Variants in SORCS3 observed in about 807,000 individuals in gnomAD.
The protein encoded by SORCS3 is VPS10 domain-containing receptor SorCS3.
SORCS3 carries 57 observed loss-of-function variants against 146.3 expected under a neutral mutation model. The observed-to-expected ratio is 0.39, with a 90% CI of 0.31 to 0.49. The LOEUF (loss-of-function observed/expected upper bound fraction) is 0.49. Among genes scored for constraint, SORCS3 ranks in the 20% least tolerant of loss-of-function variants. The pLI, the probability that SORCS3 is intolerant of heterozygous loss-of-function variation, is 0.92. For synonymous variants in SORCS3, 653 were observed against 618.5 expected, an observed-to-expected ratio of 1.06 and a Z score of -0.83; for missense variants, 1,341 against 1,575.5, an observed-to-expected ratio of 0.85 and a Z score of 2.52.
intron 3 of SORCS3, among the ~76,000 whole-genome samples, chr10:104,939,974 T>C (rs1308985301): frequency 6.6e-6 from 1 of 151,818 alleles, no homozygotes. Flanking sequence ...TTGGATGTCA[T>C]GCAAGAAATA....
intron 1 of SORCS3, among the ~76,000 whole-genome samples, chr10:104,705,808 G>A (rs1351960656): frequency 2.6e-5 from 4 of 152,144 alleles, no homozygotes; most frequent in African/African-American, 7.2e-5. Flanking sequence ...GTGCCTGTTC[G>A]AGTGGATATT....
chr10:105,219,231 G>T (rs758193262), intron 19 of SORCS3, among the ~76,000 whole-genome samples: 3 of 152,214 alleles, frequency 2.0e-5, no homozygotes, highest in East Asian at 1.9e-4. Flanking sequence ...AAGGGAAAAG[G>T]CTCAGGGGGC....
chr10:105,027,396 A>T (rs1270035705), intron 4 of SORCS3, among the ~76,000 whole-genome samples: 1 of 152,214 alleles, frequency 6.6e-6, no homozygotes, highest in Non-Finnish European at 1.5e-5. Flanking sequence ...TGTACAATAA[A>T]AAAAGTACCA....
intron 5 of SORCS3, among the ~76,000 whole-genome samples, chr10:105,084,018 C>T (rs2055642483): frequency 6.6e-6 from 1 of 152,146 alleles, no homozygotes; most frequent in Non-Finnish European, 1.5e-5. Context: ...TTTGTTGCTT[C>T]GTGGCTACAT....
At chr10:104,754,866 T>A (rs1283061117) in intron 1 of SORCS3, among the ~76,000 whole-genome samples, 1 of 152,232 alleles carries the variant, frequency 6.6e-6, no homozygotes, top group Non-Finnish European at 1.5e-5. Flanking sequence ...AGGATGGCAA[T>A]TTGAACCCTA....
intron 25 of SORCS3, 146 bp from the exon 26 acceptor site, chr10:105,262,185 A>G (rs2056964669): frequency 1.5e-6 from 1 of 687,306 alleles, no homozygotes; most frequent in Admixed American, 2.6e-5. Context: ...TTGTAGCCTC[A>G]TTGTCTCTGG....
At chr10:104,865,617 G>T (rs527949154) in intron 2 of SORCS3, among the ~76,000 whole-genome samples, 1 of 152,178 alleles carries the variant, frequency 6.6e-6, no homozygotes, top group Non-Finnish European at 1.5e-5. Flanking sequence ...TAGGTGCTTC[G>T]CTTTTATTGA....
intron 2 of SORCS3, among the ~76,000 whole-genome samples, chr10:104,846,810 T>C (rs1319327995): frequency 6.6e-6 from 1 of 152,164 alleles, no homozygotes; most frequent in African/African-American, 2.4e-5. Context: ...TAAGATATCA[T>C]GTGTAGAGAG....
chr10:104,866,557 G>A (rs1564701531), intron 2 of SORCS3, among the ~76,000 whole-genome samples: 1 of 152,336 alleles, frequency 6.6e-6, no homozygotes, highest in East Asian at 1.9e-4. Context: ...GTTATCAGCT[G>A]TAATTCATAT....
chr10:104,688,801 C>A (rs1228052029), intron 1 of SORCS3, among the ~76,000 whole-genome samples: 1 of 152,214 alleles, frequency 6.6e-6, no homozygotes, highest in Non-Finnish European at 1.5e-5. Context: ...CTATTCCCTC[C>A]ACGTGCCAAC....
At chr10:104,815,870 G>GT (rs199591361) in intron 1 of SORCS3, among the ~76,000 whole-genome samples, 2,493 of 152,228 alleles carry the variant, frequency 0.016, 38 homozygotes, top group African/African-American at 0.038. Context: ...ATATTCATAC[G>GT]TTTTTTCCCC....
chr10:104,986,460 T>G (rs1253963332), intron 4 of SORCS3, among the ~76,000 whole-genome samples: 1 of 152,244 alleles, frequency 6.6e-6, no homozygotes, highest in Non-Finnish European at 1.5e-5. Flanking sequence ...ATCATTTGTG[T>G]GTTCACTGGA....
chr10:105,260,399 G>T (rs963144441), intron 25 of SORCS3, among the ~76,000 whole-genome samples: 1 of 152,134 alleles, frequency 6.6e-6, no homozygotes, highest in South Asian at 2.1e-4. Flanking sequence ...TATATAAAAA[G>T]GAATATAAAG....
In SORCS3 at chr10:105,090,135, A is replaced by G. The variant is rs115070006; in HGVS notation, c.1093+296A>G. On this transcript the variant is annotated intron_variant, in intron 6 of 26. Transcript: ENST00000369701. The stretch of plus-strand genomic sequence containing the variant: ...AGTAATTTGAAGAGGAATGTCCATA[A>G]CTCATCATGGTATTTTACATTCACA... 2.1e-3 allele frequency among the ~76,000 whole-genome samples: 323 copies of G among 152,222 alleles called. 1 individual carries two copies. Among genetic ancestry groups the G allele is most frequent in the African/African-American group, 7.5e-3 (312 of 41,532 alleles).
At position 104,871,925 on chromosome 10, in the gene SORCS3, G is replaced by A. The variant is rs186747500; in HGVS notation, c.695+29066G>A. Among the ~76,000 whole-genome samples the A allele has an allele frequency of 1.9e-3, 294 of 152,206 alleles. 1 individual carries two copies. Among genetic ancestry groups the A allele is most frequent in the South Asian group, 3.3e-3 (16 of 4,820 alleles). ...ACCCCTTTGCGTCTTATTTCTGGTG[G>A]TAGTCTTAACTGATTGGAACACATC... On this transcript the variant is annotated intron_variant, in intron 2 of 26. Transcript: ENST00000369701.
rs1258170247 is a variant in SORCS3, at chr10:104,977,609, C to A, written c.954+116C>A. On this transcript the variant is annotated intron_variant, in intron 4 of 26. Coordinates refer to ENST00000369701, the MANE Select transcript of SORCS3 (RefSeq NM_014978.3). ...TTCAGTGACATTTCATCATTCCAAC[C>A]CAAATCATTTCATCATTGATTTTGT... The A allele has an allele frequency of 2.2e-5, 21 of 959,306 alleles. No homozygotes were observed. The South Asian group carries it at 3.8e-4, about 17-fold the overall frequency. The allele number at this position is 959,306 out of a possible 1,614,324, so 59.4% of individuals were successfully genotyped here.
Position 105,184,944 on chromosome 10 carries a change from A to G in SORCS3, c.2009+6771A>G, listed in dbSNP as rs144697967. On this transcript the variant is annotated intron_variant, in intron 14 of 26. Coordinates refer to ENST00000369701, the MANE Select transcript of SORCS3 (RefSeq NM_014978.3). Reference sequence around the variant, plus strand: ...ACTCATCTTGCATAATTGGAACTTTATGTGCATTGAAGAACTCTTCATTTT... The same window carrying G: ...ACTCATCTTGCATAATTGGAACTTTGTGTGCATTGAAGAACTCTTCATTTT... Among the ~76,000 whole-genome samples the G allele has an allele frequency of 2.7e-3, 407 of 152,284 alleles. 1 individual carries two copies. The highest frequency in any genetic ancestry group is 5.0e-3 in the Non-Finnish European group (341 of 68,010).
chr10:105,154,161 C>G (rs979932013), intron 9 of SORCS3, among the ~76,000 whole-genome samples: 1 of 152,040 alleles, frequency 6.6e-6, no homozygotes, highest in Admixed American at 6.6e-5. Context: ...CTTTCCTCTC[C>G]CTAGAGCCTG....
chr10:104,796,451 T>C (rs2017557010), intron 1 of SORCS3, among the ~76,000 whole-genome samples: 3 of 149,768 alleles, frequency 2.0e-5, no homozygotes, highest in African/African-American at 7.4e-5. Context: ...TTTTTTTTTT[T>C]CCAGAAAGAA....
Sources: gnomAD v4.1 joint callset for allele counts (sites outside exome capture counted in the v4.1 genomes callset) on GRCh38, gnomAD v4.1.1 for gene constraint, MANE v1.5 for transcripts, NCBI Gene and HGNC (gene_info 2026-07-23, HGNC 2026-07-21) for gene names.